The following RGL3 variants were observed in gnomAD, a reference collection of about 807,000 sequenced individuals.
RGL3 encodes ral guanine nucleotide dissociation stimulator like 3.
In RGL3, 85 loss-of-function variants were observed where a neutral mutation model predicts 90.6. That is an observed-to-expected ratio of 0.94 (90% confidence interval 0.79 to 1.12). RGL3 has a LOEUF of 1.12. Among genes scored for constraint, RGL3 ranks in the 50% most tolerant of loss-of-function variants. The pLI is 0.00. For missense variants in RGL3, 1,034 were observed against 939.2 expected (o/e 1.10, Z -1.32); for synonymous variants, 408 against 385.5 (o/e 1.06, Z -0.68).
chr19:11,407,046 C>T (rs1968797377), intron 5 of RGL3, 182 bp from the exon 6 acceptor site: 12 of 562,334 alleles, frequency 2.1e-5, no homozygotes, highest in South Asian at 7.1e-5. Context: ...AGTACAATGG[C>T]GCAATCTCAG....
intron 10 of RGL3, 29 bp from the exon 11 acceptor site, chr19:11,402,570 G>C (rs1449462490): frequency 1.9e-6 from 3 of 1,608,306 alleles, no homozygotes; most frequent in Non-Finnish European, 2.5e-6. Context: ...CAGTCACTTG[G>C]GGCCATTACT....
chr19:11,414,176 T>TATATAC (rs1491114343), intron 5 of RGL3, among the ~76,000 whole-genome samples: 10 of 75,012 alleles, frequency 1.3e-4, no homozygotes, highest in East Asian at 1.1e-3. Flanking sequence ...TATATATATA[T>TATATAC]ACACCTATAT....
chr19:11,395,112 C>A (rs1221364122), intron 18 of RGL3, among the ~76,000 whole-genome samples: 2 of 150,676 alleles, frequency 1.3e-5, no homozygotes, highest in East Asian at 4.0e-4. Context: ...AAAACAAAAA[C>A]AAACAAAACC....
chr19:11,416,734 G>C (rs750862203), intron 3 of RGL3, 67 bp from the exon 4 acceptor site: 1 of 1,593,920 alleles, frequency 6.3e-7, no homozygotes, highest in Admixed American at 1.7e-5. Context: ...GAGGGCTCTG[G>C]GTCTGGGAGG....
At position 11,419,275 on chromosome 19, in the gene RGL3, C is replaced by G; in HGVS notation, c.4G>C (p.Glu2Gln). Residue 2 changes from glutamate to glutamine, a missense_variant, in exon 1 of 19, where the codon GAG (glutamate) becomes CAG (glutamine). By Grantham distance (29) the Glu-to-Gln change is conservative (BLOSUM62 2). Transcript: ENST00000380456. M[E>Q]RTAGKELALA... is the part of the protein sequence containing the mutation. ...GCCAGCTCTTTGCCTGCTGTGCGCTCCATGGCCGGCGCCCGTCCCTCTCAG... is the reference window on the plus strand; with the variant it reads ...GCCAGCTCTTTGCCTGCTGTGCGCTGCATGGCCGGCGCCCGTCCCTCTCAG... 6.3e-7 allele frequency: 1 copy of G among 1,582,720 alleles called. No individual in the cohort carries two copies. The highest frequency in any genetic ancestry group is 8.6e-7 in the Non-Finnish European group (1 of 1,166,694).
Position 11,402,070 on chromosome 19 carries a change from G to C in RGL3, c.1425C>G (p.Ser475Arg). The C allele has an allele frequency of 6.3e-7, 1 of 1,582,192 alleles. No homozygotes were observed. Among genetic ancestry groups the C allele is most frequent in the Middle Eastern group, 2.1e-4 (1 of 4,832 alleles). ...LQRRCQSYTL[S>R]PHPPILAALH... The stretch of plus-strand genomic sequence containing the variant: ...GGGCAGCCAGGATGGGCGGGTGGGG[G>C]CTCAGGGTGTAGCTCTGACAGCGCC... The change falls in exon 13 of 19, where the codon AGC becomes AGG. Residue 475 changes from serine (S) to arginine (R), a missense_variant. Physicochemically the swap from Ser to Arg is moderately radical, Grantham distance 110. Transcript: ENST00000380456.
intron 13 of RGL3, 142 bp downstream of exon 13, chr19:11,401,869 G>T: frequency 8.9e-7 from 1 of 1,121,478 alleles, no homozygotes; most frequent in Non-Finnish European, 1.2e-6. Flanking sequence ...TGGAGATACT[G>T]CAAGGTCACA....
chr19:11,412,286 A>C (rs1247332327), intron 5 of RGL3, among the ~76,000 whole-genome samples: 1 of 151,462 alleles, frequency 6.6e-6, no homozygotes, highest in African/African-American at 2.4e-5. Context: ...GTCTCAAAAA[A>C]AAAAAAAAAA....
chr19:11,402,370 G>A (rs1050029678), intron 11 of RGL3, 85 bp downstream of exon 11: 2 of 1,567,234 alleles, frequency 1.3e-6, no homozygotes, highest in Non-Finnish European at 8.7e-7. Context: ...AGGAGTACAG[G>A]TAGGATCAAG....
intron 5 of RGL3, among the ~76,000 whole-genome samples, chr19:11,414,505 A>ATATATACC (rs1968954663): frequency 1.0e-5 from 1 of 98,194 alleles, no homozygotes; most frequent in African/African-American, 4.2e-5. Context: ...ATATATATAT[A>ATATATACC]TATATATATA....
chr19:11,417,481 T>C (rs1380316693), intron 2 of RGL3, among the ~76,000 whole-genome samples: 1 of 148,472 alleles, frequency 6.7e-6, no homozygotes. Flanking sequence ...TTTTTTTTTT[T>C]TTTTTTTGAG....
rs1344573294 is a variant in RGL3, at chr19:11,394,122, A to G, written c.*280T>C. ...CACTTCTGATGCGTCTCTAACATTT[A>G]TAAGATTTCTCTGGGGAGGGATTTG... On this transcript the variant is annotated 3_prime_UTR_variant, in exon 19 of 19. Transcript: ENST00000380456. The G allele has an allele frequency of 2.8e-6, 1 of 353,352 alleles. No individual in the cohort carries two copies. Among genetic ancestry groups the G allele is most frequent in the Non-Finnish European group, 5.3e-6 (1 of 187,926 alleles). The allele number at this position is 353,352 out of a possible 1,614,324, so 21.9% of individuals were successfully genotyped here. A position where few individuals can be genotyped will look rare whatever the true frequency, so the allele number is the denominator to read the frequency against.
chr19:11,404,841 A>G (rs942067395), intron 9 of RGL3, among the ~76,000 whole-genome samples: 1 of 152,178 alleles, frequency 6.6e-6, no homozygotes, highest in Non-Finnish European at 1.5e-5. Flanking sequence ...TATCAAGGTA[A>G]AGTCCTCAGA....
chr19:11,405,492 ATCT>A (rs1968760979), intron 7 of RGL3, 66 bp from the exon 8 acceptor site: 22 of 132,448 alleles, frequency 1.7e-4, no homozygotes, highest in South Asian at 4.2e-4. Flanking sequence ...AAACTTCTTC[ATCT>A]TTTTTTTTTT....
chr19:11,401,152 G>A (rs985010366), intron 13 of RGL3, among the ~76,000 whole-genome samples: 4 of 151,662 alleles, frequency 2.6e-5, no homozygotes, highest in African/African-American at 9.7e-5. Context: ...TGAGTTGAAT[G>A]GCCAGCTGAA....
intron 6 of RGL3, 38 bp downstream of exon 6, chr19:11,406,684 T>C: frequency 6.2e-7 from 1 of 1,609,600 alleles, no homozygotes; most frequent in African/African-American, 1.3e-5. Context: ...ACCTGTCCCC[T>C]CACTGTGGCT....
At chr19:11,398,369 A>T (rs1302125601) in intron 16 of RGL3, among the ~76,000 whole-genome samples, 1 of 151,702 alleles carries the variant, frequency 6.6e-6, no homozygotes, top group Non-Finnish European at 1.5e-5. Context: ...TTTTTGAGAC[A>T]GAGTCTTGCT....
Position 11,406,557 on chromosome 19 carries a change from G to T in RGL3, c.858C>A (p.Gly286=). ...WSQRDRPGAA[G]ASPTVRATVA... ...CGGTGGCGCGCACAGTGGGGGAGGC[G>T]CCTGCAGCCCCCGGCCGGTCCCTCT... is the stretch of plus-strand genomic sequence containing the variant. Residue 286 remains glycine, a synonymous_variant, in exon 7 of 19, where the codon GGC becomes GGA. Coordinates refer to ENST00000380456, the MANE Select transcript of RGL3 (RefSeq NM_001035223.4). 2 of 1,550,166 alleles carry T rather than the reference G, an allele frequency of 1.3e-6. No homozygotes were observed. The highest frequency in any genetic ancestry group is 1.7e-6 in the Non-Finnish European group (2 of 1,147,650).
chr19:11,415,866 G>GA, intron 5 of RGL3, 71 bp downstream of exon 5: 1 of 1,350,798 alleles, frequency 7.4e-7, no homozygotes, highest in Non-Finnish European at 1.0e-6. Context: ...AGAGGGGAGA[G>GA]AAAGCCTGTG....
Sources: allele counts gnomAD v4.1 joint callset (sites outside exome capture counted in the v4.1 genomes callset), GRCh38; gene constraint gnomAD v4.1.1; transcripts MANE v1.5; gene names NCBI Gene and HGNC (gene_info 2026-07-23, HGNC 2026-07-21).